The following CLHC1 variants were observed in gnomAD, a reference collection of about 807,000 sequenced individuals.
CLHC1 encodes clathrin heavy chain linker domain containing 1, also known as clathrin heavy chain linker domain-containing protein 1.
A neutral mutation model predicts 69.5 loss-of-function variants in CLHC1; 72 were observed. That is an observed-to-expected ratio of 1.04 (90% CI 0.86 to 1.26). The LOEUF (loss-of-function observed/expected upper bound fraction) is 1.26. CLHC1 is among the 50% of genes most tolerant of loss of function. The pLI, the probability that CLHC1 is intolerant of heterozygous loss-of-function variation, is 0.00. For missense variants in CLHC1, 790 were observed against 679.3 expected, an observed-to-expected ratio of 1.16 and a Z score of -1.81; for synonymous variants, 223 against 224.3, an observed-to-expected ratio of 0.99 and a Z score of 0.05.
intron 1 of CLHC1, among the ~76,000 whole-genome samples, chr2:55,228,875 C>T (rs1292460507): frequency 6.6e-6 from 1 of 152,106 alleles, no homozygotes; most frequent in Non-Finnish European, 1.5e-5. Context: ...ATAGTCCAGG[C>T]ACAGCGGCTC....
Position 55,175,938 on chromosome 2 carries a change from T to C in CLHC1, c.1613A>G (p.Lys538Arg). The C allele has an allele frequency of 1.9e-6, 3 of 1,614,068 alleles. No homozygotes were observed. Among genetic ancestry groups the C allele is most frequent in the Non-Finnish European group, 2.5e-6 (3 of 1,179,950 alleles). ...ACATATATTTGCCACTTCTTGCCAC[T>C]TTTCTATGGAGCAAAAGGAATCATT... ...MINDSFCSIE[K>R]WQEVANICSQ... is the part of the protein sequence containing the mutation. The change falls in exon 13 of 13, where the codon AAG becomes AGG. Residue 538 changes from lysine to arginine, a missense_variant. Lys to Arg is a conservative substitution (Grantham distance 26). Transcript: ENST00000401408.
intron 9 of CLHC1, among the ~76,000 whole-genome samples, chr2:55,186,873 G>A (rs1467160071): frequency 6.6e-6 from 1 of 152,110 alleles, no homozygotes; most frequent in Admixed American, 6.5e-5. Flanking sequence ...GATTTGAAAT[G>A]TTCTAGAAAC....
At chr2:55,223,278 T>A (rs1260997886) in intron 2 of CLHC1, among the ~76,000 whole-genome samples, 1 of 152,162 alleles carries the variant, frequency 6.6e-6, no homozygotes, top group Non-Finnish European at 1.5e-5. Flanking sequence ...ATTCTCATCT[T>A]TAATATTAAA....
Position 55,217,989 on chromosome 2 carries a change from G to T in CLHC1, c.187C>A (p.His63Asn). The change falls in exon 4 of 13, where the codon CAT (histidine) becomes AAT (asparagine). Residue 63 changes from histidine (H) to asparagine (N), a missense_variant. Physicochemically the swap from His to Asn is moderately conservative, Grantham distance 68. Coordinates refer to ENST00000401408, the MANE Select transcript of CLHC1 (RefSeq NM_152385.4). Reference protein sequence around the residue: ...YRNVFDKVIEHITAYKSILTS... With the variant: ...YRNVFDKVIENITAYKSILTS... ...AGAATGGATTTGTATGCAGTGATAT[G>T]CTCTATTACCTGAAATATTATTTTT... 6.7e-7 allele frequency: 1 copy of T among 1,488,886 alleles called. No homozygotes were observed. The highest frequency in any genetic ancestry group is 9.0e-7 in the Non-Finnish European group (1 of 1,113,702). The allele number at this position is 1,488,886 out of a possible 1,614,324, so 92.2% of individuals were successfully genotyped here. A position where few individuals can be genotyped will look rare whatever the true frequency, so the allele number is the denominator to read the frequency against.
At chr2:55,209,975 T>C (rs2103946176) in intron 5 of CLHC1, 144 bp from the exon 6 acceptor site, 2 of 571,198 alleles carry the variant, frequency 3.5e-6, no homozygotes, top group Non-Finnish European at 6.1e-6. Context: ...TGAACATAAG[T>C]AAAATTAGCA....
chr2:55,222,283 T>C lies in CLHC1; in HGVS notation c.129A>G (p.Glu43=). ...TETERLGCSE[E]GPADEYYIIY... ...TGATGTAATATTCATCAGCAGGTCC[T>C]TCCTCACTACAGCCCAGTCTTTCAG... is the stretch of plus-strand genomic sequence containing the variant. The change falls in exon 3 of 13, where the codon GAA becomes GAG. Residue 43 remains glutamate, a synonymous_variant. Transcript: ENST00000401408. 4.3e-6 allele frequency: 7 copies of C among 1,613,694 alleles called. No individual in the cohort carries two copies. Among genetic ancestry groups the C allele is most frequent in the Non-Finnish European group, 5.9e-6 (7 of 1,179,726 alleles).
chr2:55,201,977 A>T (rs1671985191), intron 9 of CLHC1, among the ~76,000 whole-genome samples: 1 of 152,182 alleles, frequency 6.6e-6, no homozygotes, highest in Non-Finnish European at 1.5e-5. Flanking sequence ...CATGATAAAA[A>T]CCAGAAAAAA....
chr2:55,224,836 C>T (rs1411325787), intron 2 of CLHC1: 6 of 299,448 alleles, frequency 2.0e-5, no homozygotes, highest in African/African-American at 4.5e-5. Flanking sequence ...GCCCGGTTCT[C>T]GGACATTGAG....
rs778584968 is a variant in CLHC1, at chr2:55,209,524, G to A, written c.702-8C>T. ...ATCTGCAGTCTTTGATGACTAAAAAGATAAAAAACGTCAATAACACACTGA... is the reference window on the plus strand; with the variant it reads ...ATCTGCAGTCTTTGATGACTAAAAAAATAAAAAACGTCAATAACACACTGA... On this transcript the variant is annotated splice_polypyrimidine_tract_variant and splice_region_variant and intron_variant, in intron 6 of 12. Coordinates refer to ENST00000401408, the MANE Select transcript of CLHC1 (RefSeq NM_152385.4). 1 of 1,591,296 alleles carries A rather than the reference G, an allele frequency of 6.3e-7. No individual in the cohort carries two copies. The highest frequency in any genetic ancestry group is 2.2e-5 in the East Asian group (1 of 44,724).
In CLHC1 at chr2:55,209,721, C is replaced by T. The variant is rs766740421; in HGVS notation, c.610G>A (p.Ala204Thr). 2 of 1,613,650 alleles carry T rather than the reference C, an allele frequency of 1.2e-6. No homozygotes were observed. The highest frequency in any genetic ancestry group is 2.2e-5 in the East Asian group (1 of 44,864). ...KQAMLIKYVP[A>T]QRKADLDEEM... ...TCATCTAAATCAGCCTTCCTCTGAG[C>T]TGGCACATATTTTATCAACATAGCT... Residue 204 changes from alanine to threonine, a missense_variant, in exon 6 of 13, where the codon GCT becomes ACT. By Grantham distance (58) the Ala-to-Thr change is moderately conservative (BLOSUM62 0). Coordinates refer to ENST00000401408, the MANE Select transcript of CLHC1 (RefSeq NM_152385.4).
chr2:55,180,719 C>T lies in CLHC1; in HGVS notation c.1182-7G>A, dbSNP rs375611488. 1.2e-6 allele frequency: 2 copies of T among 1,611,586 alleles called. No individual in the cohort carries two copies. The highest frequency in any genetic ancestry group is 1.7e-6 in the Non-Finnish European group (2 of 1,177,832). On this transcript the variant is annotated splice_polypyrimidine_tract_variant and splice_region_variant and intron_variant, in intron 10 of 12. Coordinates refer to ENST00000401408, the MANE Select transcript of CLHC1 (RefSeq NM_152385.4). ...CTCCTCAGAAAATGTCAGTCTAGAA[C>T]AAGCAGATCAATAAGACATATGTTA...
At chr2:55,176,237 A>G (rs936637528) in intron 12 of CLHC1, among the ~76,000 whole-genome samples, 2 of 152,046 alleles carry the variant, frequency 1.3e-5, no homozygotes, top group Non-Finnish European at 2.9e-5. Flanking sequence ...CACTTCTCAC[A>G]TTTCACATCT....
chr2:55,184,836 C>T (rs527359089), intron 9 of CLHC1, among the ~76,000 whole-genome samples: 3 of 150,668 alleles, frequency 2.0e-5, no homozygotes, highest in South Asian at 4.2e-4. Flanking sequence ...ACCCAGGAAG[C>T]GGAGGTTGCA....
chr2:55,226,486 C>T (rs1343996977), intron 2 of CLHC1, among the ~76,000 whole-genome samples: 1 of 152,134 alleles, frequency 6.6e-6, no homozygotes, highest in Non-Finnish European at 1.5e-5. Flanking sequence ...ACTCTATATT[C>T]AGTTGTGCAT....
At chr2:55,216,362 T>C (rs1673508593) in intron 4 of CLHC1, among the ~76,000 whole-genome samples, 1 of 151,836 alleles carries the variant, frequency 6.6e-6, no homozygotes, top group Non-Finnish European at 1.5e-5. Flanking sequence ...ACTGAAAATA[T>C]AAGACTACTT....
At chr2:55,178,005 G>C (rs540362134) in intron 11 of CLHC1, among the ~76,000 whole-genome samples, 1 of 151,976 alleles carries the variant, frequency 6.6e-6, no homozygotes, top group South Asian at 2.1e-4. Flanking sequence ...ACCCATAAGA[G>C]TATCCAAAAC....
chr2:55,226,427 T>C (rs534914258), intron 2 of CLHC1, among the ~76,000 whole-genome samples: 5 of 152,302 alleles, frequency 3.3e-5, no homozygotes, highest in Non-Finnish European at 7.4e-5. Context: ...AAATATCTAT[T>C]TAATATTTTG....
At chr2:55,189,612 G>A (rs928106741) in intron 9 of CLHC1, among the ~76,000 whole-genome samples, 5 of 152,138 alleles carry the variant, frequency 3.3e-5, no homozygotes, top group Non-Finnish European at 7.3e-5. Flanking sequence ...ACACGGAGCT[G>A]GAAGTCTGGT....
intron 9 of CLHC1, among the ~76,000 whole-genome samples, chr2:55,192,238 G>C (rs371151620): frequency 6.6e-6 from 1 of 151,956 alleles, no homozygotes; most frequent in Non-Finnish European, 1.5e-5. Context: ...TCCTGCTTCA[G>C]CCTCCCGAAT....
Sources: gnomAD v4.1 joint callset for allele counts (sites outside exome capture counted in the v4.1 genomes callset) on GRCh38, gnomAD v4.1.1 for gene constraint, MANE v1.5 for transcripts, NCBI Gene and HGNC (gene_info 2026-07-23, HGNC 2026-07-21) for gene names.